GPM6A: variants seen among roughly 807,000 people sequenced by gnomAD.
GPM6A encodes the protein glycoprotein M6A.
GPM6A carries 7 observed loss-of-function variants against 32.1 expected under a neutral mutation model. The observed-to-expected ratio is 0.22, with a 90% CI of 0.12 to 0.41. The LOEUF (loss-of-function observed/expected upper bound fraction) is 0.41, where lower values mean the gene tolerates loss of function less well. Ranked by LOEUF, GPM6A falls within the 10% of genes least tolerant of loss-of-function variation. The pLI, the probability that GPM6A is intolerant of heterozygous loss-of-function variation, is 1.00. For synonymous variants in GPM6A, 130 were observed against 123.4 expected (o/e 1.05, Z -0.35); for missense variants, 235 against 347.2 (o/e 0.68, Z 2.57).
At chr4:175,927,745 C>T (rs1425150795) in intron 1 of GPM6A, among the ~76,000 whole-genome samples, 2 of 152,124 alleles carry the variant, frequency 1.3e-5, no homozygotes, top group Admixed American at 1.3e-4. Context: ...ATTAGCAGAG[C>T]GTGGCGGTGC....
At chr4:175,899,264 A>G (rs945537449) in intron 1 of GPM6A, among the ~76,000 whole-genome samples, 27 of 152,234 alleles carry the variant, frequency 1.8e-4, no homozygotes, top group African/African-American at 6.3e-4. Flanking sequence ...AACTTGCATA[A>G]AGACAATATA....
intron 1 of GPM6A, among the ~76,000 whole-genome samples, chr4:175,842,510 T>A (rs528670382): frequency 3.7e-4 from 57 of 152,080 alleles, no homozygotes; most frequent in Middle Eastern, 3.4e-3. Context: ...CGTGCTTGAG[T>A]CCAGGAGTTT....
chr4:175,917,743 T>G (rs1005974266), intron 1 of GPM6A, among the ~76,000 whole-genome samples: 113 of 151,844 alleles, frequency 7.4e-4, no homozygotes, highest in African/African-American at 2.5e-3. Flanking sequence ...AAAAAACACA[T>G]AAAAAGACAA....
chr4:175,688,091 T>A (rs2111027857), intron 2 of GPM6A, among the ~76,000 whole-genome samples: 1 of 152,326 alleles, frequency 6.6e-6, no homozygotes, highest in South Asian at 2.1e-4. Context: ...ATTTTTTGGA[T>A]ATTAATTCCT....
intron 1 of GPM6A, among the ~76,000 whole-genome samples, chr4:175,963,525 A>T (rs1209978395): frequency 5.3e-5 from 8 of 152,168 alleles, no homozygotes; most frequent in Non-Finnish European, 1.5e-5. Context: ...TGTTAAAAGG[A>T]AAAACCCACC....
Position 175,875,005 on chromosome 4 carries a change from T to C in GPM6A, c.-22-62756A>G, listed in dbSNP as rs181298071. On this transcript the variant is annotated intron_variant, in intron 1 of 7. Transcript: ENST00000280187. ...TGTATACTGCAACAAGAAATCTATG[T>C]GCCTGCCTCCAATTACAAAAGCTGT... 1.4e-3 allele frequency among the ~76,000 whole-genome samples: 209 copies of C among 152,332 alleles called. 2 individuals are homozygous for C. Among genetic ancestry groups the C allele is most frequent in the Non-Finnish European group, 8.5e-4 (58 of 68,038 alleles).
chr4:175,664,599 C>G (rs1233640550), intron 3 of GPM6A, among the ~76,000 whole-genome samples: 1 of 152,202 alleles, frequency 6.6e-6, no homozygotes, highest in Non-Finnish European at 1.5e-5. Flanking sequence ...TCATATACTT[C>G]AAGATTTACA....
At chr4:175,894,024 G>T (rs1737722777) in intron 1 of GPM6A, among the ~76,000 whole-genome samples, 1 of 152,138 alleles carries the variant, frequency 6.6e-6, no homozygotes, top group African/African-American at 2.4e-5. Flanking sequence ...AAAAGACAGA[G>T]ATTAAAAATA....
At chr4:175,896,530 C>T (rs1465100983) in intron 1 of GPM6A, among the ~76,000 whole-genome samples, 1 of 152,168 alleles carries the variant, frequency 6.6e-6, no homozygotes, top group African/African-American at 2.4e-5. Context: ...TCTGTCTTCA[C>T]TCTACCCCAG....
At chr4:175,650,529 T>C (rs1035059668) in intron 4 of GPM6A, among the ~76,000 whole-genome samples, 4 of 152,244 alleles carry the variant, frequency 2.6e-5, no homozygotes, top group South Asian at 2.1e-4. Flanking sequence ...GGTCTCGAAC[T>C]CCTGACCTTA....
chr4:175,725,353 G>A (rs779029379), intron 1 of GPM6A, among the ~76,000 whole-genome samples: 4 of 150,236 alleles, frequency 2.7e-5, no homozygotes, highest in Non-Finnish European at 5.9e-5. Flanking sequence ...GTGCAGTGGC[G>A]CCATCATGGC....
At chr4:175,861,435 T>TAAAAAAA (rs903512266) in intron 1 of GPM6A, among the ~76,000 whole-genome samples, 1 of 142,938 alleles carries the variant, frequency 7.0e-6, no homozygotes. Context: ...TAATTCAAAC[T>TAAAAAAA]AAAAAAAAAA....
In GPM6A at chr4:175,703,877, C is replaced by T. The variant is rs183210910; in HGVS notation, c.38-2110G>A. ...CACCCCTCAGATACACACACATATCCTCATTCCAAAGATTTCCTCCTTATG... is the reference window on the plus strand; with the variant it reads ...CACCCCTCAGATACACACACATATCTTCATTCCAAAGATTTCCTCCTTATG... On this transcript the variant is annotated intron_variant, in intron 1 of 6. Coordinates refer to ENST00000393658, the MANE Select transcript of GPM6A (RefSeq NM_201591.3). Among the ~76,000 whole-genome samples the T allele has an allele frequency of 4.4e-3, 672 of 152,220 alleles. 5 individuals are homozygous for T. Among genetic ancestry groups the T allele is most frequent in the Non-Finnish European group, 7.1e-3 (481 of 68,008 alleles).
At chr4:175,746,729 A>G (rs1312820985) in intron 1 of GPM6A, among the ~76,000 whole-genome samples, 1 of 152,206 alleles carries the variant, frequency 6.6e-6, no homozygotes, top group Non-Finnish European at 1.5e-5. Flanking sequence ...TTCTTAGATC[A>G]ACTAGATGAT....
intron 1 of GPM6A, among the ~76,000 whole-genome samples, chr4:175,868,892 G>A (rs1267717176): frequency 6.6e-6 from 1 of 152,204 alleles, no homozygotes; most frequent in African/African-American, 2.4e-5. Context: ...GAAAGTGTCA[G>A]TTCAGCTTGA....
intron 2 of GPM6A, among the ~76,000 whole-genome samples, chr4:175,684,258 T>G (rs184328959): frequency 7.2e-5 from 11 of 152,256 alleles, no homozygotes; most frequent in African/African-American, 2.7e-4. Flanking sequence ...CTTTTGGCTT[T>G]GCTTATGGCA....
intron 2 of GPM6A, among the ~76,000 whole-genome samples, chr4:175,677,681 T>C (rs1004034405): frequency 6.6e-6 from 1 of 152,170 alleles, no homozygotes; most frequent in Non-Finnish European, 1.5e-5. Flanking sequence ...TTTCCGATCA[T>C]TCTGGTTCTA....
At chr4:175,898,654 T>G (rs1737865711) in intron 1 of GPM6A, among the ~76,000 whole-genome samples, 2 of 152,160 alleles carry the variant, frequency 1.3e-5, no homozygotes, top group African/African-American at 4.8e-5. Flanking sequence ...CACACCTTAT[T>G]CTTCCTTGGT....
chr4:175,945,673 G>T, intron 1 of GPM6A, among the ~76,000 whole-genome samples: 1 of 129,826 alleles, frequency 7.7e-6, no homozygotes, highest in South Asian at 2.2e-4. Flanking sequence ...TATAATATAT[G>T]TTATAAGTAA....
Sources: allele counts gnomAD v4.1 joint callset (sites outside exome capture counted in the v4.1 genomes callset), GRCh38; gene constraint gnomAD v4.1.1; transcripts MANE v1.5; gene names NCBI Gene and HGNC (gene_info 2026-07-23, HGNC 2026-07-21).